Variants in USP35 observed in about 807,000 individuals in gnomAD.
USP35 encodes ubiquitin carboxyl-terminal hydrolase 35.
A neutral mutation model predicts 83.8 loss-of-function variants in USP35; 69 were observed. The observed-to-expected ratio is 0.82, with a 90% CI of 0.68 to 1.01. The LOEUF (loss-of-function observed/expected upper bound fraction) is 1.01. USP35 is among the 50% of genes least tolerant of loss of function. USP35 has a pLI of 0.00. For missense variants in USP35, 1,503 were observed against 1,362.5 expected (o/e 1.10, Z -1.62); for synonymous variants, 714 against 589.5 (o/e 1.21, Z -3.06).
intron 1 of USP35, among the ~76,000 whole-genome samples, chr11:78,194,872 C>CA (rs1863097236): frequency 6.6e-6 from 1 of 152,136 alleles, no homozygotes; most frequent in Non-Finnish European, 1.5e-5. Context: ...AGGCTGACCC[C>CA]AATCAAGAAA....
intron 1 of USP35, among the ~76,000 whole-genome samples, chr11:78,189,734 G>A (rs894571485): frequency 6.6e-6 from 1 of 152,184 alleles, no homozygotes; most frequent in Non-Finnish European, 1.5e-5. Context: ...GGGTTCCTGA[G>A]GAGGAATAGC....
At position 78,207,658 on chromosome 11, in the gene USP35, G is replaced by A. The variant is rs1400025232; in HGVS notation, c.1485+35G>A. The A allele has an allele frequency of 3.7e-6, 6 of 1,602,914 alleles. No homozygotes were observed. The South Asian group carries it at 6.6e-5, about 18-fold the overall frequency. On this transcript the variant is annotated intron_variant, in intron 8 of 10. Coordinates refer to ENST00000529308, the MANE Select transcript of USP35 (RefSeq NM_020798.4). ...GGGGCAGTCAGAGGGGGGTGGAGAG[G>A]CAGCTCTGGTCAGGCCCCGACATGG...
chr11:78,215,471 A>G (rs1432397596), downstream of USP35: 2 of 152,780 alleles, frequency 1.3e-5, no homozygotes, highest in Non-Finnish European at 1.5e-5. Context: ...AATACAACAG[A>G]ATAAATTAAT....
chr11:78,200,011 G>A, intron 4 of USP35, 122 bp from the exon 5 acceptor site: 4 of 1,088,648 alleles, frequency 3.7e-6, no homozygotes, highest in Middle Eastern at 2.0e-4. Context: ...GAGCACCTCA[G>A]TGTTGATCCC....
chr11:78,225,803 G>C, the USP35 span, among the ~76,000 whole-genome samples: 2 of 152,182 alleles, frequency 1.3e-5, no homozygotes, highest in Admixed American at 6.6e-5. Flanking sequence ...AGGAGGTTTT[G>C]TCCCACCAAC....
the USP35 span, among the ~76,000 whole-genome samples, chr11:78,228,840 G>A: frequency 5.9e-5 from 9 of 152,080 alleles, no homozygotes; most frequent in Non-Finnish European, 8.8e-5. Flanking sequence ...CGGGGGTGGC[G>A]GGGGGAGCGA....
rs1385114411 is a variant in USP35 at position 78,205,983 on chromosome 11, G to C, written c.1339G>C (p.Gly447Arg). The C allele has an allele frequency of 1.2e-6, 2 of 1,614,234 alleles. No homozygotes were observed. The highest frequency in any genetic ancestry group is 1.7e-5 in the Admixed American group (1 of 60,026). The change falls in exon 7 of 11, where the codon GGC (glycine) becomes CGC (arginine). Residue 447 changes from glycine to arginine, a missense_variant. Coordinates refer to ENST00000529308, the MANE Select transcript of USP35 (RefSeq NM_020798.4). ...GGGCAAGATTGGTCTCATCAACCTG[G>C]GCAACACATGCTATGTCAACAGCAT... The part of the protein sequence containing the change: ...DTGKIGLINL[G>R]NTCYVNSILQ...
chr11:78,188,920 G>A lies in USP35; in HGVS notation c.-248G>A. On this transcript the variant is annotated 5_prime_UTR_variant, in exon 1 of 11. Transcript: ENST00000529308. ...GCCCCTCCCCATGCTTCATCCCGCA[G>A]CCCCGGGGCCGCGCCGCAGAGTCGG... 1 of 985,644 alleles carries A rather than the reference G, an allele frequency of 1.0e-6. No homozygotes were observed. Among genetic ancestry groups the A allele is most frequent in the Non-Finnish European group, 1.2e-6 (1 of 830,124 alleles). 61.1% of individuals were successfully genotyped at this position (985,644 alleles called of 1,614,324 possible). A position where few individuals can be genotyped will look rare whatever the true frequency, so the allele number is the denominator to read the frequency against.
Position 78,213,948 on chromosome 11 carries a change from A to ACACAGAGATTC in USP35, c.*136_*146dup. 1.0e-6 allele frequency: 1 copy of ACACAGAGATTC among 968,242 alleles called. No homozygotes were observed. Among genetic ancestry groups the ACACAGAGATTC allele is most frequent in the African/African-American group, 1.7e-5 (1 of 57,894 alleles). 60.0% of individuals were successfully genotyped at this position (968,242 alleles called of 1,614,324 possible). ...CTTAGTCCTCAGCCTGATGAAGGGT[A>ACACAGAGATTC]CACAGAGATTCTCTCAGATATGGAA... On this transcript the variant is annotated 3_prime_UTR_variant, in exon 11 of 11. Coordinates refer to ENST00000529308, the MANE Select transcript of USP35 (RefSeq NM_020798.4).
chr11:78,231,336 G>GTGTGGT, the USP35 span, among the ~76,000 whole-genome samples: 1 of 145,796 alleles, frequency 6.9e-6, no homozygotes, highest in African/African-American at 2.6e-5. Flanking sequence ...GCGCGTGTGT[G>GTGTGGT]GTGTGTGTGT....
intron 6 of USP35, among the ~76,000 whole-genome samples, chr11:78,203,394 A>G (rs1215537339): frequency 6.6e-6 from 1 of 151,938 alleles, no homozygotes; most frequent in East Asian, 1.9e-4. Flanking sequence ...GTGCCTTGAA[A>G]ACTAGGTTGC....
rs1157657318 is a variant in USP35, at chr11:78,206,093, A to ATGAC, written c.1391+59_1391+62dup. The ATGAC allele has an allele frequency of 7.1e-6, 11 of 1,540,690 alleles. No homozygotes were observed. The East Asian group carries it at 2.6e-4, about 36-fold the overall frequency. On this transcript the variant is annotated intron_variant, in intron 7 of 10. Coordinates refer to ENST00000529308, the MANE Select transcript of USP35 (RefSeq NM_020798.4). ...TTGCTTCTCTCCTCTGGGCTCCCTG[A>ATGAC]TGACAGGTGGAAAGGTGTCCGGGGT...
Position 78,209,952 on chromosome 11 carries a change from C to T in USP35, c.2097C>T (p.Ser699=). 6.2e-7 allele frequency: 1 copy of T among 1,608,554 alleles called. No individual in the cohort carries two copies. Among genetic ancestry groups the T allele is most frequent in the Non-Finnish European group, 8.5e-7 (1 of 1,177,226 alleles). ...EKEEVGEEEE[S]TRGEGEREKE... ...AAGAAGTGGGGGAGGAGGAGGAAAG[C>T]ACCAGAGGGGAAGGAGAGAGGGAGA... The change falls in exon 10 of 11, where the codon AGC becomes AGT. Residue 699 remains serine, a synonymous_variant. Coordinates refer to ENST00000529308, the MANE Select transcript of USP35 (RefSeq NM_020798.4).
chr11:78,213,311 C>T (rs1026617755), intron 10 of USP35, among the ~76,000 whole-genome samples: 17 of 152,098 alleles, frequency 1.1e-4, no homozygotes, highest in Admixed American at 2.0e-4. Context: ...GCCCATTCCT[C>T]GTGATCATGA....
the USP35 span, chr11:78,225,187 G>C: frequency 1.9e-6 from 3 of 1,609,870 alleles, no homozygotes; most frequent in Non-Finnish European, 1.7e-6. Flanking sequence ...GTACTCGTAG[G>C]TCTCACAGGA....
At chr11:78,197,186 C>G (rs1032156275) in intron 2 of USP35, among the ~76,000 whole-genome samples, 2 of 113,456 alleles carry the variant, frequency 1.8e-5, no homozygotes, top group African/African-American at 3.5e-5. Context: ...TCAGCCTGGC[C>G]GGAGGGAGGA....
chr11:78,221,830 A>G, the USP35 span: 1 of 1,318,516 alleles, frequency 7.6e-7, no homozygotes, highest in Non-Finnish European at 1.1e-6. Flanking sequence ...GGCTGCTGCC[A>G]TGTTTCTAGC....
rs1269726382 is a variant in USP35, at chr11:78,209,936, GGGA to G, written c.2091_2093del (p.Glu698del). 18 of 1,605,812 alleles carry G rather than the reference GGGA, an allele frequency of 1.1e-5. No homozygotes were observed. Among genetic ancestry groups the G allele is most frequent in the Non-Finnish European group, 1.5e-5 (18 of 1,175,886 alleles). ...GAGAGAACGGAGAAGGAAGAAGTGGGGGAGGAGGAGGAAAGCACCAGAGGGGAA... is the reference window on the plus strand; with the variant it reads ...GAGAGAACGGAGAAGGAAGAAGTGGGGGAGGAGGAAAGCACCAGAGGGGAA... On this transcript the variant is annotated inframe_deletion, in exon 10 of 11. Coordinates refer to ENST00000529308, the MANE Select transcript of USP35 (RefSeq NM_020798.4).
At chr11:78,213,539 G>C in intron 10 of USP35, 107 bp from the exon 11 acceptor site, 2 of 1,301,362 alleles carry the variant, frequency 1.5e-6, no homozygotes, top group Admixed American at 3.2e-5. Context: ...GTGTGTCCAG[G>C]CCCTGGGGAC....
Sources: allele counts gnomAD v4.1 joint callset (sites outside exome capture counted in the v4.1 genomes callset), GRCh38; gene constraint gnomAD v4.1.1; transcripts MANE v1.5; gene names NCBI Gene and HGNC (gene_info 2026-07-23, HGNC 2026-07-21).